AOPEP: variants seen among roughly 807,000 people sequenced by gnomAD.
AOPEP encodes the protein aminopeptidase O (putative), also known as aminopeptidase O.
In AOPEP, 77 loss-of-function variants were observed where a neutral mutation model predicts 98.1. The ratio of observed to expected loss-of-function variants is 0.78; its 90% CI spans 0.65 to 0.95. The LOEUF (loss-of-function observed/expected upper bound fraction) is 0.95. Among genes scored for constraint, AOPEP ranks in the 40% least tolerant of loss-of-function variants. The pLI, the probability that AOPEP is intolerant of heterozygous loss-of-function variation, is 0.00. For synonymous variants in AOPEP, 346 were observed against 365.3 expected, an observed-to-expected ratio of 0.95 and a Z score of 0.60; for missense variants, 1,024 against 1,024.7, an observed-to-expected ratio of 1.00 and a Z score of 0.01.
chr9:94,845,218 C>G (rs1042573843), intron 5 of AOPEP, among the ~76,000 whole-genome samples: 3 of 152,238 alleles, frequency 2.0e-5, no homozygotes, highest in African/African-American at 7.2e-5. Context: ...CTTTAGGAAA[C>G]TGTGGTATTC....
intron 1 of AOPEP, among the ~76,000 whole-genome samples, chr9:94,743,746 G>C (rs1003463101): frequency 6.6e-6 from 1 of 152,156 alleles, no homozygotes; most frequent in African/African-American, 2.4e-5. Flanking sequence ...GAGGACAGGG[G>C]TTGGATTGAA....
chr9:94,855,373 T>C (rs1236987638), intron 5 of AOPEP, among the ~76,000 whole-genome samples: 1 of 152,118 alleles, frequency 6.6e-6, no homozygotes, highest in African/African-American at 2.4e-5. Flanking sequence ...CCATCAGGCC[T>C]GGCCGTGTTT....
At chr9:94,835,045 A>G (rs947568599) in intron 5 of AOPEP, among the ~76,000 whole-genome samples, 1 of 152,164 alleles carries the variant, frequency 6.6e-6, no homozygotes, top group Non-Finnish European at 1.5e-5. Context: ...TAGGATAAGG[A>G]GTGTAGAGTG....
chr9:94,961,289 T>TC (rs1554784966), intron 9 of AOPEP, among the ~76,000 whole-genome samples: 3 of 152,286 alleles, frequency 2.0e-5, no homozygotes, highest in Admixed American at 2.0e-4. Flanking sequence ...CTATCTTTTT[T>TC]CCCCCTGGAA....
intron 5 of AOPEP, among the ~76,000 whole-genome samples, chr9:94,869,084 C>T (rs1458282239): frequency 1.3e-5 from 2 of 152,028 alleles, no homozygotes; most frequent in African/African-American, 4.8e-5. Context: ...CAAAAATTAG[C>T]TGGGCATGGT....
chr9:94,874,715 C>A (rs187574511), intron 5 of AOPEP, among the ~76,000 whole-genome samples: 4 of 152,196 alleles, frequency 2.6e-5, no homozygotes, highest in African/African-American at 9.6e-5. Flanking sequence ...GCAGGAGCCA[C>A]AGAAAAGTTC....
At chr9:95,025,285 G>GT (rs2063755982) in intron 13 of AOPEP, among the ~76,000 whole-genome samples, 1 of 152,192 alleles carries the variant, frequency 6.6e-6, no homozygotes, top group African/African-American at 2.4e-5. Flanking sequence ...TTTCCCAGCA[G>GT]AGGCCATTAC....
At chr9:94,898,963 T>TA (rs1564344929) in intron 5 of AOPEP, among the ~76,000 whole-genome samples, 1 of 151,848 alleles carries the variant, frequency 6.6e-6, no homozygotes. Flanking sequence ...AATAAATAAA[T>TA]AAAAAGACTT....
In AOPEP at chr9:95,012,993, G is replaced by GC. The variant is rs1554803936; in HGVS notation, c.2115+7377_2115+7378insC. Reference sequence around the variant, plus strand: ...AGTTTTCCTGTTTTTTTTTTGGGGGGGGGGGCAGGGCGATTATCTCTTATC... The same window carrying GC: ...AGTTTTCCTGTTTTTTTTTTGGGGGGCGGGGGCAGGGCGATTATCTCTTATC... On this transcript the variant is annotated intron_variant, in intron 13 of 16. Coordinates refer to ENST00000375315, the MANE Select transcript of AOPEP (RefSeq NM_001193329.3). Among the ~76,000 whole-genome samples the GC allele has an allele frequency of 3.0e-5, 4 of 135,452 alleles. 1 individual carries two copies. The highest frequency in any genetic ancestry group is 6.3e-5 in the Non-Finnish European group (4 of 63,474). 88.9% of individuals were successfully genotyped at this position (135,452 alleles called of 152,430 possible). A position where few individuals can be genotyped will look rare whatever the true frequency, so the allele number is the denominator to read the frequency against.
rs1162386258 is a variant in AOPEP, at chr9:95,006,054, A to G, written c.2115+438A>G. 3 of 472,728 alleles carry G rather than the reference A, an allele frequency of 6.3e-6. No individual in the cohort carries two copies. In the Admixed American group the frequency reaches 7.0e-5, roughly 11 times the overall value. 29.3% of individuals were successfully genotyped at this position (472,728 alleles called of 1,614,324 possible). A position where few individuals can be genotyped will look rare whatever the true frequency, so the allele number is the denominator to read the frequency against. On this transcript the variant is annotated intron_variant, in intron 13 of 16. Transcript: ENST00000375315. ...AGAGAGAAGAAGAAAGAAGTGGATT[A>G]CTTTTAAAACACTAGGAGGAATTTT... is the stretch of plus-strand genomic sequence containing the variant.
intron 5 of AOPEP, among the ~76,000 whole-genome samples, chr9:94,805,836 T>G (rs1395524939): frequency 6.6e-6 from 1 of 152,204 alleles, no homozygotes; most frequent in Non-Finnish European, 1.5e-5. Flanking sequence ...TTTATTCTTA[T>G]CTCCCAGCCA....
intron 2 of AOPEP, among the ~76,000 whole-genome samples, chr9:94,772,630 A>G (rs1016694306): frequency 6.6e-6 from 1 of 152,194 alleles, no homozygotes; most frequent in South Asian, 2.1e-4. Flanking sequence ...TTTCCAGAAT[A>G]CTTTCCAAAA....
chr9:94,935,585 A>T (rs1013484681), intron 7 of AOPEP, among the ~76,000 whole-genome samples: 4 of 152,112 alleles, frequency 2.6e-5, no homozygotes, highest in African/African-American at 9.7e-5. Flanking sequence ...ATTGGTTGGA[A>T]AAATGTACAG....
intron 11 of AOPEP, among the ~76,000 whole-genome samples, chr9:94,992,390 T>A (rs2060947959): frequency 6.6e-6 from 1 of 152,174 alleles, no homozygotes; most frequent in African/African-American, 2.4e-5. Flanking sequence ...TCTGATCCTG[T>A]CGAGTTACAG....
intron 3 of AOPEP, among the ~76,000 whole-genome samples, chr9:94,791,977 G>T (rs977019065): frequency 1.3e-5 from 2 of 152,202 alleles, no homozygotes; most frequent in East Asian, 3.8e-4. Flanking sequence ...GAAATGAGGG[G>T]AGTATAGTGT....
intron 5 of AOPEP, among the ~76,000 whole-genome samples, chr9:94,819,975 T>C (rs1852674295): frequency 7.6e-6 from 1 of 130,914 alleles, no homozygotes; most frequent in South Asian, 2.4e-4. Flanking sequence ...AGATGGAGTC[T>C]CGCTTTGTCA....
At chr9:94,837,282 A>G (rs911203944) in intron 5 of AOPEP, among the ~76,000 whole-genome samples, 3 of 152,316 alleles carry the variant, frequency 2.0e-5, no homozygotes, top group Admixed American at 6.5e-5. Flanking sequence ...ACCAACAAAA[A>G]AAGTCCAGGA....
rs185551085 is a variant in AOPEP at position 94,893,031 on chromosome 9, T to C, written c.1365-30955T>C. Reference sequence around the variant, plus strand: ...TTCTTGATATAGTGCCTCTCTCTGCTTTGTATAATCAAATATATGACAGAA... The same window carrying C: ...TTCTTGATATAGTGCCTCTCTCTGCCTTGTATAATCAAATATATGACAGAA... On this transcript the variant is annotated intron_variant, in intron 5 of 16. Coordinates refer to ENST00000375315, the MANE Select transcript of AOPEP (RefSeq NM_001193329.3). Among the ~76,000 whole-genome samples, 564 of 152,332 alleles carry C rather than the reference T, an allele frequency of 3.7e-3. 2 individuals are homozygous for C. Among genetic ancestry groups the C allele is most frequent in the African/African-American group, 0.013 (548 of 41,570 alleles).
rs145927741 is a variant in AOPEP, at chr9:95,085,664, A to G, written c.*5-1018A>G. The stretch of plus-strand genomic sequence containing the variant: ...GAGGATGAGAGACCACTTGACCCCA[A>G]GGATGCACTGTCTCCTGCTGGGAAT... On this transcript the variant is annotated intron_variant, in intron 16 of 16. Transcript: ENST00000375315. 9.2e-5 allele frequency: 33 copies of G among 359,350 alleles called. No homozygotes were observed. The East Asian group carries it at 2.4e-3, about 26-fold the overall frequency. The allele number at this position is 359,350 out of a possible 1,614,324, so 22.3% of individuals were successfully genotyped here.
Sources: allele counts gnomAD v4.1 joint callset (sites outside exome capture counted in the v4.1 genomes callset), GRCh38; gene constraint gnomAD v4.1.1; transcripts MANE v1.5; gene names NCBI Gene and HGNC (gene_info 2026-07-23, HGNC 2026-07-21).